Variants in COL21A1 observed in about 807,000 individuals in gnomAD.
The protein encoded by COL21A1 is collagen type XXI alpha 1 chain, also known as collagen alpha-1(XXI) chain.
COL21A1 carries 149 observed loss-of-function variants against 137.9 expected under a neutral mutation model. That is an observed-to-expected ratio of 1.08 (90% CI 0.95 to 1.24). The LOEUF (loss-of-function observed/expected upper bound fraction) is 1.24. Ranked by LOEUF, COL21A1 falls within the 50% of genes most tolerant of loss-of-function variation. The probability of loss-of-function intolerance (pLI) is 0.00; values close to 1 mark genes in which losing one functional copy is unlikely to be tolerated. For synonymous variants in COL21A1, 456 were observed against 391.5 expected, an observed-to-expected ratio of 1.16 and a Z score of -1.95; for missense variants, 1,167 against 1,158.4, an observed-to-expected ratio of 1.01 and a Z score of -0.11.
chr6:56,181,820 C>T (rs1242035012), intron 2 of COL21A1, among the ~76,000 whole-genome samples: 1 of 151,974 alleles, frequency 6.6e-6, no homozygotes, highest in African/African-American at 2.4e-5. Flanking sequence ...TATTAAAATC[C>T]CGTTTTCCAC....
chr6:56,066,844 G>A (rs569205554), intron 23 of COL21A1, among the ~76,000 whole-genome samples: 1 of 151,356 alleles, frequency 6.6e-6, no homozygotes, highest in South Asian at 2.1e-4. Flanking sequence ...TAATTTTCTG[G>A]TTTAATTTTC....
intron 1 of COL21A1, among the ~76,000 whole-genome samples, chr6:56,262,746 ACTATTAGT>A (rs1356349656): frequency 3.9e-5 from 6 of 152,096 alleles, no homozygotes; most frequent in Non-Finnish European, 8.8e-5. Flanking sequence ...AAAAAGCACT[ACTATTAGT>A]CTAAAAATCC....
At chr6:56,336,211 C>T (rs1165017080) in intron 1 of COL21A1, among the ~76,000 whole-genome samples, 1 of 152,194 alleles carries the variant, frequency 6.6e-6, no homozygotes, top group Non-Finnish European at 1.5e-5. Context: ...ACCTCTGGGG[C>T]TGGGGCACAG....
chr6:56,178,517 A>G (rs1381601508), intron 3 of COL21A1, among the ~76,000 whole-genome samples: 4 of 152,146 alleles, frequency 2.6e-5, no homozygotes, highest in Non-Finnish European at 5.9e-5. Context: ...TTCCTAACTC[A>G]TAAACACACA....
intron 1 of COL21A1, among the ~76,000 whole-genome samples, chr6:56,321,488 T>C (rs1049676373): frequency 1.3e-5 from 2 of 152,216 alleles, no homozygotes; most frequent in African/African-American, 4.8e-5. Context: ...TTTCTCACTT[T>C]ATGTTTTTTT....
intron 1 of COL21A1, among the ~76,000 whole-genome samples, chr6:56,225,199 G>C (rs1454459140): frequency 6.6e-6 from 1 of 151,990 alleles, no homozygotes; most frequent in Non-Finnish European, 1.5e-5. Context: ...CATTATGCAA[G>C]TTACAATAAG....
At chr6:56,283,636 A>G (rs1763833661) in intron 1 of COL21A1, among the ~76,000 whole-genome samples, 1 of 152,222 alleles carries the variant, frequency 6.6e-6, no homozygotes, top group Non-Finnish European at 1.5e-5. Flanking sequence ...GGCTGGTGAT[A>G]AATGAAAGAA....
At chr6:56,099,161 G>C (rs1390914175) in intron 17 of COL21A1, among the ~76,000 whole-genome samples, 4 of 151,542 alleles carry the variant, frequency 2.6e-5, no homozygotes, top group Admixed American at 6.6e-5. Flanking sequence ...GTTTCTACGG[G>C]AGAATGAATT....
chr6:56,136,828 A>C (rs76793831), intron 12 of COL21A1, among the ~76,000 whole-genome samples: 10,151 of 152,238 alleles, frequency 0.067, 397 homozygotes, highest in Admixed American at 0.11. Flanking sequence ...CCTATGATCT[A>C]CAATGAACTA....
At chr6:56,317,833 C>T (rs1764771691) in intron 1 of COL21A1, among the ~76,000 whole-genome samples, 2 of 152,262 alleles carry the variant, frequency 1.3e-5, no homozygotes, top group East Asian at 3.9e-4. Context: ...CCTTCACCTA[C>T]TTGATCTCTT....
chr6:56,259,570 C>G (rs1265682716), intron 1 of COL21A1, among the ~76,000 whole-genome samples: 1 of 152,164 alleles, frequency 6.6e-6, no homozygotes, highest in African/African-American at 2.4e-5. Flanking sequence ...ACATATGTAT[C>G]CAACTGTGAT....
At chr6:56,371,856 G>A (rs776983504) in intron 1 of COL21A1, among the ~76,000 whole-genome samples, 11 of 152,162 alleles carry the variant, frequency 7.2e-5, no homozygotes, top group Non-Finnish European at 1.3e-4. Flanking sequence ...GGCCATCAGA[G>A]AAGTGAAGAT....
In COL21A1 at chr6:56,164,464, A is replaced by G; in HGVS notation, c.1330T>C (p.Cys444Arg). Residue 444 changes from cysteine to arginine, a missense_variant, in exon 9 of 30, where the codon TGT becomes CGT. Coordinates refer to ENST00000244728, the MANE Select transcript of COL21A1 (RefSeq NM_030820.4). ...CCTGGTTTTCCCGGAGGACAAATAC[A>G]GGGAGCTGGAGTTGAACCTACATCA... ...PSDVGSTPAP[C>R]ICPPGKPGLQ... 6.3e-7 allele frequency: 1 copy of G among 1,590,286 alleles called. No homozygotes were observed. Among genetic ancestry groups the G allele is most frequent in the South Asian group, 1.1e-5 (1 of 87,010 alleles).
chr6:56,283,316 A>C (rs144738492), intron 1 of COL21A1, among the ~76,000 whole-genome samples: 10 of 152,240 alleles, frequency 6.6e-5, no homozygotes, highest in African/African-American at 2.4e-4. Context: ...ATAGTCATTA[A>C]AATGGTTTTT....
In COL21A1 at chr6:56,207,632, C is replaced by T. The variant is rs143387222; in HGVS notation, c.-38-24976G>A. 6.2e-3 allele frequency among the ~76,000 whole-genome samples: 944 copies of T among 152,274 alleles called. 10 individuals are homozygous for T. The highest frequency in any genetic ancestry group is 0.022 in the African/African-American group (895 of 41,564). ...CAAAGAGGAGCTGATACCATTCCTT[C>T]TGAAACTATTCCAACAATAGAAAAA... On this transcript the variant is annotated intron_variant, in intron 1 of 29. Coordinates refer to ENST00000244728, the MANE Select transcript of COL21A1 (RefSeq NM_030820.4).
In COL21A1 at chr6:56,306,960, A is replaced by AGGTCTG. The variant is rs559199974; in HGVS notation, c.-39+87005_-39+87010dup. ...TCTAACAGTCAGAACCCTTAGCTGC[A>AGGTCTG]GGTCTGTTGGAGTTTGCTGGAGGTC... On this transcript the variant is annotated intron_variant, in intron 1 of 28. Transcript: ENST00000370819. Among the ~76,000 whole-genome samples, 277 of 152,308 alleles carry AGGTCTG rather than the reference A, an allele frequency of 1.8e-3. 1 individual carries two copies. The highest frequency in any genetic ancestry group is 6.5e-3 in the African/African-American group (272 of 41,564).
intron 10 of COL21A1, among the ~76,000 whole-genome samples, chr6:56,144,806 T>C (rs143056726): frequency 6.6e-6 from 1 of 152,214 alleles, no homozygotes; most frequent in African/African-American, 2.4e-5. Context: ...GGAAAGACGA[T>C]GAATTTGAAA....
chr6:56,302,747 G>A (rs1562046712), intron 1 of COL21A1, among the ~76,000 whole-genome samples: 2 of 150,726 alleles, frequency 1.3e-5, no homozygotes, highest in Non-Finnish European at 3.0e-5. Flanking sequence ...GATCCCATTT[G>A]TCAATTTTGG....
intron 1 of COL21A1, among the ~76,000 whole-genome samples, chr6:56,387,926 C>T (rs752772968): frequency 1.3e-5 from 2 of 152,156 alleles, no homozygotes; most frequent in Non-Finnish European, 2.9e-5. Context: ...TGACCCAGTG[C>T]AATACCAGCT....
Sources: allele counts gnomAD v4.1 joint callset (sites outside exome capture counted in the v4.1 genomes callset), GRCh38; gene constraint gnomAD v4.1.1; transcripts MANE v1.5; gene names NCBI Gene and HGNC (gene_info 2026-07-23, HGNC 2026-07-21).